Variants in ARV1 observed in about 807,000 individuals in gnomAD.
ARV1 encodes protein ARV1.
ARV1 carries 26 observed loss-of-function variants against 31.1 expected under a neutral mutation model. The observed-to-expected ratio is 0.84, with a 90% CI of 0.61 to 1.16. The LOEUF is 1.16. ARV1 is among the 50% of genes most tolerant of loss of function. The pLI is 0.00. For missense variants in ARV1, 281 were observed against 324.9 expected, an observed-to-expected ratio of 0.86 and a Z score of 1.04; for synonymous variants, 117 against 123.2, an observed-to-expected ratio of 0.95 and a Z score of 0.34.
chr1:230,993,705 G>A (rs1679290054), intron 3 of ARV1, among the ~76,000 whole-genome samples: 1 of 152,062 alleles, frequency 6.6e-6, no homozygotes, highest in Non-Finnish European at 1.5e-5. Flanking sequence ...AACCAGCCTG[G>A]GCAACATGGC....
intron 4 of ARV1, among the ~76,000 whole-genome samples, chr1:230,996,452 TATTTA>T (rs1460201018): frequency 2.0e-5 from 3 of 152,190 alleles, no homozygotes; most frequent in African/African-American, 4.8e-5. Flanking sequence ...ATTTTTATTT[TATTTA>T]TTTTTTTGAG....
chr1:230,987,164 C>G lies in ARV1; in HGVS notation c.175-1156C>G, dbSNP rs11122181. On this transcript the variant is annotated intron_variant, in intron 1 of 5. Transcript: ENST00000310256. ...TACTGCAATCCTCAATCCTGTTAAC[C>G]TGGACAGCGACTAGATGACTAACAG... Among the ~76,000 whole-genome samples, 986 of 152,264 alleles carry G rather than the reference C, an allele frequency of 6.5e-3. 14 individuals carry two copies. The highest frequency in any genetic ancestry group is 0.021 in the African/African-American group (884 of 41,542).
chr1:230,986,666 C>CTTTTTTTTTTTTTTTT (rs1558242688), intron 1 of ARV1, among the ~76,000 whole-genome samples: 1 of 79,690 alleles, frequency 1.3e-5, no homozygotes. Flanking sequence ...AATACTTTTC[C>CTTTTTTTTTTTTTTTT]TATTTTTTTT....
At chr1:230,984,951 TACCCAGGCCA>T (rs1305976797) in intron 1 of ARV1, among the ~76,000 whole-genome samples, 1 of 152,198 alleles carries the variant, frequency 6.6e-6, no homozygotes, top group Non-Finnish European at 1.5e-5. Context: ...ATTATCTGTT[TACCCAGGCCA>T]ACTCCTTACG....
Position 230,983,569 on chromosome 1 carries a change from C to A in ARV1, c.174+4290C>A, listed in dbSNP as rs148219471. Among the ~76,000 whole-genome samples, 508 of 151,976 alleles carry A rather than the reference C, an allele frequency of 3.3e-3. 7 individuals carry two copies. The highest frequency in any genetic ancestry group is 0.029 in the South Asian group (138 of 4,792). Reference sequence around the variant, plus strand: ...CTTCAGCACTACAGCATTCGGCTCCCACCCTTGGGATCCTAGATGCAAAGA... The same window carrying A: ...CTTCAGCACTACAGCATTCGGCTCCAACCCTTGGGATCCTAGATGCAAAGA... On this transcript the variant is annotated intron_variant, in intron 1 of 5. Coordinates refer to ENST00000310256, the MANE Select transcript of ARV1 (RefSeq NM_022786.3).
At chr1:230,988,520 T>A in intron 2 of ARV1, 81 bp downstream of exon 2, 1 of 1,210,680 alleles carries the variant, frequency 8.3e-7, no homozygotes, top group Non-Finnish European at 1.1e-6. Context: ...TAAACAGAAG[T>A]AAAGAATATT....
At chr1:230,996,303 A>G (rs918375893) in intron 4 of ARV1, among the ~76,000 whole-genome samples, 2 of 152,212 alleles carry the variant, frequency 1.3e-5, no homozygotes, top group Non-Finnish European at 2.9e-5. Flanking sequence ...GTCCGACGTT[A>G]CATGGCTGGG....
rs1418004534 is a variant in ARV1, at chr1:230,996,008, C to A, written c.673+24C>A. 1.9e-6 allele frequency: 3 copies of A among 1,583,930 alleles called. No homozygotes were observed. In the African/African-American group the frequency reaches 4.1e-5, roughly 21 times the overall value. The stretch of plus-strand genomic sequence containing the variant: ...AGGTATGTTTATGTGTTTATTCTGC[C>A]TTCTCAGTTTTCAACCCATAAAAAG... On this transcript the variant is annotated intron_variant, in intron 4 of 5. Transcript: ENST00000310256.
In ARV1 at chr1:230,979,174, T is replaced by C. The variant is rs777163116; in HGVS notation, c.69T>C (p.Pro23=). ...KGNVDGVAAT[P]TAASASCQYR... ...ACGTGGATGGGGTGGCAGCGACTCC[T>C]ACTGCTGCCTCGGCCTCCTGCCAGT... The change falls in exon 1 of 6, where the codon CCT becomes CCC. Residue 23 remains proline, a synonymous_variant. Transcript: ENST00000310256. 8 of 1,613,178 alleles carry C rather than the reference T, an allele frequency of 5.0e-6. No homozygotes were observed. The Admixed American group carries it at 1.3e-4, about 27-fold the overall frequency.
intron 1 of ARV1, among the ~76,000 whole-genome samples, chr1:230,980,525 C>T (rs1285580968): frequency 6.6e-6 from 1 of 151,918 alleles, no homozygotes; most frequent in East Asian, 1.9e-4. Flanking sequence ...TTAGTAGAGA[C>T]CAGGTTTCAC....
At chr1:230,997,317 A>G in intron 5 of ARV1, 50 bp downstream of exon 5, 3 of 1,583,868 alleles carry the variant, frequency 1.9e-6, no homozygotes, top group Non-Finnish European at 2.6e-6. Flanking sequence ...GCCTTCTCAA[A>G]TAAGACAGAT....
At chr1:230,988,197 A>G (rs1274845692) in intron 1 of ARV1, 123 bp from the exon 2 acceptor site, 9 of 758,186 alleles carry the variant, frequency 1.2e-5, no homozygotes, top group Non-Finnish European at 1.9e-5. Flanking sequence ...AAGTTTATAT[A>G]AATAATTGCT....
At chr1:230,986,456 T>C (rs1679070880) in intron 1 of ARV1, among the ~76,000 whole-genome samples, 2 of 152,134 alleles carry the variant, frequency 1.3e-5, no homozygotes, top group Admixed American at 6.5e-5. Context: ...AGAAGGTTTT[T>C]ACACTCGCAA....
At chr1:230,984,359 T>TGTGTGTGTGTGTGC (rs71179756) in intron 1 of ARV1, among the ~76,000 whole-genome samples, 3 of 93,450 alleles carry the variant, frequency 3.2e-5, no homozygotes, top group South Asian at 3.4e-4. Flanking sequence ...TGTGTGTGTG[T>TGTGTGTGTGTGTGC]GTGCGTGTGT....
At chr1:230,984,545 C>T (rs1335281024) in intron 1 of ARV1, among the ~76,000 whole-genome samples, 8 of 152,046 alleles carry the variant, frequency 5.3e-5, no homozygotes, top group Admixed American at 4.6e-4. Flanking sequence ...GAACGCCACA[C>T]TTTGAGACGA....
rs1247471160 is a variant in ARV1 at position 230,979,223 on chromosome 1, G to A, written c.118G>A (p.Glu40Lys). 1.2e-6 allele frequency: 2 copies of A among 1,613,662 alleles called. No homozygotes were observed. Among genetic ancestry groups the A allele is most frequent in the Admixed American group, 1.7e-5 (1 of 59,968 alleles). The change falls in exon 1 of 6, where the codon GAG (glutamate) becomes AAG (lysine). Residue 40 changes from glutamate to lysine, a missense_variant. By Grantham distance (56) the Glu-to-Lys change is moderately conservative. Coordinates refer to ENST00000310256, the MANE Select transcript of ARV1 (RefSeq NM_022786.3). ...GTACAGGTGCATCGAATGCAACCAG[G>A]AGGCCAAAGAGTTGTACCGAGACTA... is the stretch of plus-strand genomic sequence containing the variant. ...CQYRCIECNQEAKELYRDYNH... is the reference protein window; with the variant it reads ...CQYRCIECNQKAKELYRDYNH...
At chr1:230,989,682 T>G (rs1679176429) in intron 2 of ARV1, among the ~76,000 whole-genome samples, 1 of 152,232 alleles carries the variant, frequency 6.6e-6, no homozygotes, top group Non-Finnish European at 1.5e-5. Flanking sequence ...AAGTCTATTC[T>G]CTTATTGCTG....
In ARV1 at chr1:230,984,363, C is replaced by CGCGTGT. The variant is rs1191353620; in HGVS notation, c.175-3956_175-3955insCGTGTG. Among the ~76,000 whole-genome samples the CGCGTGT allele has an allele frequency of 1.5e-4, 19 of 129,762 alleles. 1 individual carries two copies. The highest frequency in any genetic ancestry group is 5.4e-4 in the South Asian group (2 of 3,732). 85.1% of individuals were successfully genotyped at this position (129,762 alleles called of 152,430 possible). ...TGTTTCGTGTGTGTGTGTGTGTGTG[C>CGCGTGT]GTGTGTGTGTGTGTGTGTGTGTGTG... is the stretch of plus-strand genomic sequence containing the variant. On this transcript the variant is annotated intron_variant, in intron 1 of 5. Coordinates refer to ENST00000310256, the MANE Select transcript of ARV1 (RefSeq NM_022786.3).
chr1:230,997,165 A>T lies in ARV1; in HGVS notation c.718A>T (p.Ser240Cys), dbSNP rs1318068942. 11 of 1,613,862 alleles carry T rather than the reference A, an allele frequency of 6.8e-6. No individual in the cohort carries two copies. The highest frequency in any genetic ancestry group is 9.3e-6 in the Non-Finnish European group (11 of 1,179,972). The change falls in exon 5 of 6, where the codon AGT becomes TGT. Residue 240 changes from serine (S) to cysteine (C), a missense_variant. Transcript: ENST00000310256. ...NRKLSFLAVL[S>C]GLLLESIMVY... ...TAAGCTCTCCTTCTTGGCCGTGTTGAGTGGCTTACTGCTGGAAAGCATCAT... is the reference window on the plus strand; with the variant it reads ...TAAGCTCTCCTTCTTGGCCGTGTTGTGTGGCTTACTGCTGGAAAGCATCAT...
Sources: allele counts gnomAD v4.1 joint callset (sites outside exome capture counted in the v4.1 genomes callset), GRCh38; gene constraint gnomAD v4.1.1; transcripts MANE v1.5; gene names NCBI Gene and HGNC (gene_info 2026-07-23, HGNC 2026-07-21).